Variants in ARG1 observed in about 807,000 individuals in gnomAD.
ARG1 encodes arginase 1, also known as arginase-1.
A neutral mutation model predicts 33.0 loss-of-function variants in ARG1; 20 were observed. The observed-to-expected ratio is 0.61, with a 90% CI of 0.43 to 0.88. ARG1 has a LOEUF of 0.88. Ranked by LOEUF, ARG1 falls within the 40% of genes least tolerant of loss-of-function variation. ARG1 has a pLI of 0.00. For synonymous variants in ARG1, 146 were observed against 140.6 expected (o/e 1.04, Z -0.27); for missense variants, 374 against 384.7 (o/e 0.97, Z 0.23).
At chr6:131,580,195 T>C (rs1264518447) in intron 3 of ARG1, among the ~76,000 whole-genome samples, 2 of 152,198 alleles carry the variant, frequency 1.3e-5, no homozygotes, top group Admixed American at 6.5e-5. Context: ...AGTCAATGAC[T>C]TCAGGTCTCC....
intron 2 of ARG1, among the ~76,000 whole-genome samples, chr6:131,577,213 A>G (rs1301044207): frequency 1.3e-5 from 2 of 152,204 alleles, no homozygotes; most frequent in African/African-American, 2.4e-5. Flanking sequence ...TTTTTAAAGT[A>G]TGGGCTCAAT....
At chr6:131,574,974 A>G (rs1231283170) in intron 1 of ARG1, among the ~76,000 whole-genome samples, 1 of 152,174 alleles carries the variant, frequency 6.6e-6, no homozygotes, top group Non-Finnish European at 1.5e-5. Context: ...CAGACTATTC[A>G]ACTCCAAAGG....
chr6:131,581,405 C>A lies in ARG1; in HGVS notation c.465+27C>A, dbSNP rs374033743. Reference sequence around the variant, plus strand: ...TAAAAGACTGGTTGGTACTCTAGTGCAATAGAATACTTTTTAGTAGACATT... The same window carrying A: ...TAAAAGACTGGTTGGTACTCTAGTGAAATAGAATACTTTTTAGTAGACATT... On this transcript the variant is annotated intron_variant, in intron 4 of 7. Coordinates refer to ENST00000368087, the MANE Select transcript of ARG1 (RefSeq NM_000045.4). 2.5e-6 allele frequency: 4 copies of A among 1,600,002 alleles called. No homozygotes were observed. The African/African-American group carries it at 5.4e-5, about 21-fold the overall frequency.
rs766853875 is a variant in ARG1, at chr6:131,582,626, C to T, written c.471C>T (p.Pro157=). The change falls in exon 5 of 8, where the codon CCC becomes CCT. Residue 157 remains proline (P), a synonymous_variant. Coordinates refer to ENST00000368087, the MANE Select transcript of ARG1 (RefSeq NM_000045.4). ...FLLKELKGKI[P]DVPGFSWVTP... ...TGAAAACATTGTAATTTTAGATTCC[C>T]GATGTGCCAGGATTCTCCTGGGTGA... 23 of 1,613,024 alleles carry T rather than the reference C, an allele frequency of 1.4e-5. No individual in the cohort carries two copies. Among genetic ancestry groups the T allele is most frequent in the Admixed American group, 5.0e-5 (3 of 59,976 alleles).
At position 131,581,250 on chromosome 6, in the gene ARG1, A is replaced by G; in HGVS notation, c.337A>G (p.Arg113Gly). 6.2e-7 allele frequency: 1 copy of G among 1,613,932 alleles called. No individual in the cohort carries two copies. The highest frequency in any genetic ancestry group is 2.2e-5 in the East Asian group (1 of 44,880). ...AATTGGAAGCATCTCTGGCCATGCCAGGGTCCACCCTGATCTTGGAGTCAT... is the reference window on the plus strand; with the variant it reads ...AATTGGAAGCATCTCTGGCCATGCCGGGGTCCACCCTGATCTTGGAGTCAT... Reference protein sequence around the residue: ...LAIGSISGHARVHPDLGVIWV... With the variant: ...LAIGSISGHAGVHPDLGVIWV... Residue 113 changes from arginine (R) to glycine (G), a missense_variant, in exon 4 of 8, where the codon AGG becomes GGG. By Grantham distance (125) the Arg-to-Gly change is moderately radical. Coordinates refer to ENST00000368087, the MANE Select transcript of ARG1 (RefSeq NM_000045.4).
At chr6:131,579,057 G>A in intron 2 of ARG1, 54 bp from the exon 3 acceptor site, 1 of 1,589,674 alleles carries the variant, frequency 6.3e-7, no homozygotes, top group Non-Finnish European at 8.6e-7. Context: ...ATCCTACACA[G>A]ACTGATTTAT....
In ARG1 at chr6:131,582,610, T is replaced by G; in HGVS notation, c.466-11T>G. On this transcript the variant is annotated splice_polypyrimidine_tract_variant and intron_variant, in intron 4 of 7. Coordinates refer to ENST00000368087, the MANE Select transcript of ARG1 (RefSeq NM_000045.4). Reference sequence around the variant, plus strand: ...ATCATACATAACCAAGTGAAAACATTGTAATTTTAGATTCCCGATGTGCCA... The same window carrying G: ...ATCATACATAACCAAGTGAAAACATGGTAATTTTAGATTCCCGATGTGCCA... 6.2e-7 allele frequency: 1 copy of G among 1,606,994 alleles called. No homozygotes were observed. The highest frequency in any genetic ancestry group is 8.5e-7 in the Non-Finnish European group (1 of 1,173,540).
In ARG1 at chr6:131,573,353, T is replaced by G. The variant is rs1261787548; in HGVS notation, c.57+14T>G. 6.2e-7 allele frequency: 1 copy of G among 1,613,744 alleles called. No homozygotes were observed. Reference sequence around the variant, plus strand: ...TCAAAGGGACAGGTAAGGAAAAAAGTCTTTCTTTGAATTCCTGGAATTTAG... The same window carrying G: ...TCAAAGGGACAGGTAAGGAAAAAAGGCTTTCTTTGAATTCCTGGAATTTAG... On this transcript the variant is annotated intron_variant, in intron 1 of 7. Coordinates refer to ENST00000368087, the MANE Select transcript of ARG1 (RefSeq NM_000045.4).
At chr6:131,577,415 T>C (rs117272946) in intron 2 of ARG1, among the ~76,000 whole-genome samples, 1,951 of 152,286 alleles carry the variant, frequency 0.013, 26 homozygotes, top group Non-Finnish European at 0.02. Flanking sequence ...GAAGTACAAC[T>C]ACAAACATTC....
chr6:131,579,097 CT>C lies in ARG1; in HGVS notation c.131-9del. On this transcript the variant is annotated splice_polypyrimidine_tract_variant and intron_variant, in intron 2 of 7. Coordinates refer to ENST00000368087, the MANE Select transcript of ARG1 (RefSeq NM_000045.4). ...TACTTTTTAATTTAGTAACTCAAAA[CT>C]TTTTAATTTTAGAGTGTGATGTGAA... is the stretch of plus-strand genomic sequence containing the variant. 6.2e-7 allele frequency: 1 copy of C among 1,613,742 alleles called. No homozygotes were observed. Among genetic ancestry groups the C allele is most frequent in the Middle Eastern group, 1.6e-4 (1 of 6,062 alleles).
intron 2 of ARG1, among the ~76,000 whole-genome samples, chr6:131,578,501 G>T (rs1773742571): frequency 6.6e-6 from 1 of 152,080 alleles, no homozygotes; most frequent in Non-Finnish European, 1.5e-5. Flanking sequence ...TTACTAAAAA[G>T]AATAACTAAA....
Position 131,584,250 on chromosome 6 carries a change from G to A in ARG1, c.*342G>A. The A allele has an allele frequency of 3.6e-6, 1 of 274,104 alleles. No individual in the cohort carries two copies. The highest frequency in any genetic ancestry group is 7.0e-6 in the Non-Finnish European group (1 of 142,714). 17.0% of individuals were successfully genotyped at this position (274,104 alleles called of 1,614,324 possible). On this transcript the variant is annotated 3_prime_UTR_variant, in exon 8 of 8. Coordinates refer to ENST00000368087, the MANE Select transcript of ARG1 (RefSeq NM_000045.4). ...GGGACTCTTGGAATCAGGAGACAAAGCTACCACATGTGGAAAGGTACTATG... is the reference window on the plus strand; with the variant it reads ...GGGACTCTTGGAATCAGGAGACAAAACTACCACATGTGGAAAGGTACTATG...
chr6:131,575,301 C>A (rs535643401), intron 1 of ARG1, among the ~76,000 whole-genome samples: 3 of 151,870 alleles, frequency 2.0e-5, no homozygotes, highest in Non-Finnish European at 4.4e-5. Flanking sequence ...AATATAGTGC[C>A]CCACATGTAA....
Position 131,576,732 on chromosome 6 carries a change from C to A in ARG1, c.127C>A (p.Gln43Lys). ...KAGLLEKLKE[Q>K]ECDVKDYGDL... ...TGGTCTGCTTGAGAAACTTAAAGAA[C>A]AAGGTAATTTTTAAGTTGAAAAATG... Residue 43 changes from glutamine (Q) to lysine (K), a missense_variant, in exon 2 of 8, where the codon CAA becomes AAA. Coordinates refer to ENST00000368087, the MANE Select transcript of ARG1 (RefSeq NM_000045.4). 6.2e-7 allele frequency: 1 copy of A among 1,613,176 alleles called. No homozygotes were observed. The highest frequency in any genetic ancestry group is 2.2e-5 in the East Asian group (1 of 44,880).
rs576404166 is a variant in ARG1, at chr6:131,579,763, A to G, written c.305+478A>G. 36 of 159,192 alleles carry G rather than the reference A, an allele frequency of 2.3e-4. 1 individual carries two copies. The South Asian group carries it at 6.1e-3, about 27-fold the overall frequency. 9.9% of individuals were successfully genotyped at this position (159,192 alleles called of 1,614,324 possible). On this transcript the variant is annotated intron_variant, in intron 3 of 7. Transcript: ENST00000368087. ...TTCTCTAGCAACCATTTCAACCAGA[A>G]TTGAAAATCTGGCACATTTCTTTCA...
chr6:131,575,224 A>G (rs1041830712), intron 1 of ARG1, among the ~76,000 whole-genome samples: 10 of 152,212 alleles, frequency 6.6e-5, no homozygotes, highest in African/African-American at 2.2e-4. Flanking sequence ...GGAGAAGGGT[A>G]AAAAAGCCAA....
intron 2 of ARG1, among the ~76,000 whole-genome samples, chr6:131,577,597 T>TCAA (rs1440031220): frequency 6.6e-6 from 1 of 151,822 alleles, no homozygotes; most frequent in African/African-American, 2.4e-5. Context: ...GAGATAGTAT[T>TCAA]CAACAATAAA....
chr6:131,581,170 G>C (rs963003673), intron 3 of ARG1, 49 bp from the exon 4 acceptor site: 2 of 1,581,524 alleles, frequency 1.3e-6, no homozygotes, highest in Non-Finnish European at 1.7e-6. Flanking sequence ...TATGATGTAT[G>C]TAGTGACACT....
intron 3 of ARG1, among the ~76,000 whole-genome samples, chr6:131,580,581 TTA>T (rs1262398704): frequency 3.3e-5 from 5 of 152,200 alleles, no homozygotes; most frequent in Admixed American, 3.3e-4. Context: ...AAGATATCAT[TTA>T]TGTCTTCCAT....
Sources: gnomAD v4.1 joint callset for allele counts (sites outside exome capture counted in the v4.1 genomes callset) on GRCh38, gnomAD v4.1.1 for gene constraint, MANE v1.5 for transcripts, NCBI Gene and HGNC (gene_info 2026-07-23, HGNC 2026-07-21) for gene names.